SDK1: variants seen among roughly 807,000 people sequenced by gnomAD.
SDK1 encodes the protein protein sidekick-1.
In SDK1, 157 loss-of-function variants were observed where a neutral mutation model predicts 245.5. The ratio of observed to expected loss-of-function variants is 0.64; its 90% CI spans 0.56 to 0.73. SDK1 has a LOEUF of 0.73. SDK1 is among the 30% of genes least tolerant of loss of function. The pLI is 0.00. For missense variants in SDK1, 3,583 were observed against 3,002.3 expected (o/e 1.19, Z -4.52); for synonymous variants, 1,647 against 1,278.5 (o/e 1.29, Z -6.15).
chr7:3,573,949 C>T (rs1280933560), intron 1 of SDK1, among the ~76,000 whole-genome samples: 1 of 152,066 alleles, frequency 6.6e-6, no homozygotes, highest in Non-Finnish European at 1.5e-5. Context: ...CATGCATTTA[C>T]TGAATGCTTA....
At chr7:3,652,492 G>A (rs984808164) in intron 4 of SDK1, among the ~76,000 whole-genome samples, 3 of 152,210 alleles carry the variant, frequency 2.0e-5, no homozygotes, top group African/African-American at 7.2e-5. Flanking sequence ...ATATGCGCAC[G>A]GATGCATGTG....
intron 1 of SDK1, among the ~76,000 whole-genome samples, chr7:3,604,079 G>A (rs956422693): frequency 8.5e-5 from 13 of 152,280 alleles, no homozygotes; most frequent in Non-Finnish European, 1.8e-4. Context: ...CTGGATTTCG[G>A]TTTGCCAGTA....
At chr7:3,593,056 C>T (rs1432066822) in intron 1 of SDK1, among the ~76,000 whole-genome samples, 3 of 152,168 alleles carry the variant, frequency 2.0e-5, no homozygotes, top group East Asian at 1.9e-4. Flanking sequence ...AGTGGAGATG[C>T]AGAAGAGAAT....
chr7:3,427,689 C>T (rs1050528669), intron 1 of SDK1, among the ~76,000 whole-genome samples: 3 of 151,954 alleles, frequency 2.0e-5, no homozygotes, highest in South Asian at 2.1e-4. Flanking sequence ...ATCAGTTTCC[C>T]GTATTTCATC....
At chr7:3,604,042 A>C (rs1484242205) in intron 1 of SDK1, among the ~76,000 whole-genome samples, 1 of 152,158 alleles carries the variant, frequency 6.6e-6, no homozygotes, top group Non-Finnish European at 1.5e-5. Flanking sequence ...CCACTTGATC[A>C]TGGTGGATAA....
intron 5 of SDK1, among the ~76,000 whole-genome samples, chr7:3,932,512 C>T (rs550155220): frequency 6.6e-6 from 1 of 152,200 alleles, no homozygotes; most frequent in East Asian, 1.9e-4. Context: ...ATTCTTGCAC[C>T]GTGGGACTGA....
rs1317887602 is a variant in SDK1, at chr7:3,334,164, C to T, written c.298+32280C>T. ...TGGTTTTTCAGCTTTCCAGACTCTG[C>T]AGAGCTAGAAGGTGGGAGTAGATTG... On this transcript the variant is annotated intron_variant, in intron 1 of 44. Transcript: ENST00000404826. 2.0e-5 allele frequency among the ~76,000 whole-genome samples: 3 copies of T among 152,164 alleles called. No homozygotes were observed. In the East Asian group the frequency reaches 5.8e-4, roughly 29 times the overall value.
chr7:3,844,637 T>C (rs183846376), intron 5 of SDK1, among the ~76,000 whole-genome samples: 1 of 152,276 alleles, frequency 6.6e-6, no homozygotes, highest in South Asian at 2.1e-4. Flanking sequence ...AACTATAATT[T>C]CAACAAGGAA....
At chr7:4,158,642 G>A in intron 31 of SDK1, 91 bp downstream of exon 31, 1 of 874,234 alleles carries the variant, frequency 1.1e-6, no homozygotes, top group Non-Finnish European at 1.9e-6. Flanking sequence ...GCCAGAAAGG[G>A]GCCACCAGGG....
rs530675166 is a variant in SDK1 at position 4,206,708 on chromosome 7, AG to A, written c.5214+717del. Reference sequence around the variant, plus strand: ...GAGGCCTGGCCTCCTTAGAGAGTACAGGGCCCATAAGCATCCGGGGTCTTTG... The same window carrying A: ...GAGGCCTGGCCTCCTTAGAGAGTACAGGCCCATAAGCATCCGGGGTCTTTG... On this transcript the variant is annotated intron_variant, in intron 36 of 44. Coordinates refer to ENST00000404826, the MANE Select transcript of SDK1 (RefSeq NM_152744.4). Among the ~76,000 whole-genome samples the A allele has an allele frequency of 1.7e-3, 259 of 152,226 alleles. 4 individuals are homozygous for A. Among genetic ancestry groups the A allele is most frequent in the African/African-American group, 6.1e-3 (253 of 41,546 alleles).
chr7:3,954,175 C>G (rs1781051245), intron 7 of SDK1, among the ~76,000 whole-genome samples: 1 of 151,486 alleles, frequency 6.6e-6, no homozygotes, highest in Non-Finnish European at 1.5e-5. Flanking sequence ...CAGAGGTCGG[C>G]TTCCAGGCAC....
chr7:3,568,662 G>A (rs1780004046), intron 1 of SDK1, among the ~76,000 whole-genome samples: 1 of 152,192 alleles, frequency 6.6e-6, no homozygotes, highest in Non-Finnish European at 1.5e-5. Context: ...GGGCAGACCT[G>A]TGGCAGACAG....
At chr7:3,905,330 A>G (rs779817547) in intron 5 of SDK1, among the ~76,000 whole-genome samples, 3 of 152,126 alleles carry the variant, frequency 2.0e-5, no homozygotes, top group Admixed American at 6.5e-5. Context: ...GTATCACTGG[A>G]GGTAATGTTA....
At chr7:3,663,928 A>T (rs1783444034) in intron 4 of SDK1, among the ~76,000 whole-genome samples, 1 of 152,236 alleles carries the variant, frequency 6.6e-6, no homozygotes, top group African/African-American at 2.4e-5. Flanking sequence ...TCACTGTAGG[A>T]AGAAGTTGAT....
At chr7:3,479,119 A>C (rs1446768851) in intron 1 of SDK1, among the ~76,000 whole-genome samples, 1 of 152,116 alleles carries the variant, frequency 6.6e-6, no homozygotes, top group African/African-American at 2.4e-5. Context: ...ACATTTGCAT[A>C]AGCATATCTA....
At chr7:4,148,557 G>A (rs925544848) in intron 29 of SDK1, among the ~76,000 whole-genome samples, 2 of 152,210 alleles carry the variant, frequency 1.3e-5, no homozygotes, top group African/African-American at 2.4e-5. Flanking sequence ...GCAAGAAGGA[G>A]GAAATTCAGC....
chr7:3,596,140 G>C (rs1050288756), intron 1 of SDK1, among the ~76,000 whole-genome samples: 2 of 152,042 alleles, frequency 1.3e-5, no homozygotes, highest in Non-Finnish European at 2.9e-5. Context: ...CATTTCCTTT[G>C]TTGGTGCTCA....
rs78412629 is a variant in SDK1, at chr7:3,574,827, T to C, written c.299-44253T>C. On this transcript the variant is annotated intron_variant, in intron 1 of 44. Transcript: ENST00000404826. ...AAAGGTGACAGAAACTTGACTGATA[T>C]GACCATGTTAGAATTACAGAATTAA... 5.1e-3 allele frequency among the ~76,000 whole-genome samples: 775 copies of C among 152,226 alleles called. 6 individuals carry two copies. The highest frequency in any genetic ancestry group is 0.017 in the African/African-American group (706 of 41,574).
At position 3,999,607 on chromosome 7, in the gene SDK1, T is replaced by C. The variant is rs367678492; in HGVS notation, c.2132-11359T>C. On this transcript the variant is annotated intron_variant, in intron 14 of 44. Transcript: ENST00000404826. ...GTGGCCAAGGACTCCGAGGCTTGGA[T>C]GCAGGGCAGCAAAATGGGAGTTCAG... 9.9e-5 allele frequency among the ~76,000 whole-genome samples: 15 copies of C among 152,178 alleles called. 1 individual carries two copies. Among genetic ancestry groups the C allele is most frequent in the East Asian group, 5.8e-4 (3 of 5,186 alleles).
Sources: gnomAD v4.1 joint callset for allele counts (sites outside exome capture counted in the v4.1 genomes callset) on GRCh38, gnomAD v4.1.1 for gene constraint, MANE v1.5 for transcripts, NCBI Gene and HGNC (gene_info 2026-07-23, HGNC 2026-07-21) for gene names.